The following FBXO28 variants were observed in gnomAD, a reference collection of about 807,000 sequenced individuals.
FBXO28 encodes the protein F-box only protein 28.
In FBXO28, 8 loss-of-function variants were observed where a neutral mutation model predicts 38.1. The ratio of observed to expected loss-of-function variants is 0.21; its 90% CI spans 0.12 to 0.38. The LOEUF (loss-of-function observed/expected upper bound fraction) is 0.38. Among genes scored for constraint, FBXO28 ranks in the 10% least tolerant of loss-of-function variants. FBXO28 has a pLI of 1.00. For synonymous variants in FBXO28, 168 were observed against 173.8 expected (o/e 0.97, Z 0.26); for missense variants, 345 against 460.6 (o/e 0.75, Z 2.30).
In FBXO28 at chr1:224,157,401, A is replaced by G; in HGVS notation, c.762A>G (p.Gln254=). 6.2e-7 allele frequency: 1 copy of G among 1,614,128 alleles called. No individual in the cohort carries two copies. Among genetic ancestry groups the G allele is most frequent in the South Asian group, 1.1e-5 (1 of 91,074 alleles). ...CAACAATGCAGCTCTTCTCCAAGCA[A>G]AATCCTTCAAGACAAGAGGTTACCA... ...ALTTMQLFSK[Q]NPSRQEVTKL... The change falls in exon 5 of 5, where the codon CAA becomes CAG. Residue 254 remains glutamine (Q), a synonymous_variant. Transcript: ENST00000366862.
chr1:224,119,603 CA>C (rs1656726344), intron 1 of FBXO28, among the ~76,000 whole-genome samples: 1 of 152,164 alleles, frequency 6.6e-6, no homozygotes, highest in Non-Finnish European at 1.5e-5. Context: ...ACTGTGTCGT[CA>C]TCAAGAGAAA....
rs141809197 is a variant in FBXO28, at chr1:224,138,335, C to G, written c.516+4123C>G. On this transcript the variant is annotated intron_variant, in intron 3 of 4. Transcript: ENST00000366862. ...TTATAAATATTTTTGGCCCTGTGAA[C>G]CTTGTGCTCGCTGTGACAGCTATGC... 2.2e-4 allele frequency among the ~76,000 whole-genome samples: 33 copies of G among 151,938 alleles called. No individual in the cohort carries two copies. The East Asian group carries it at 6.2e-3, about 28-fold the overall frequency.
chr1:224,115,530 TTATAAA>T (rs1386940337), intron 1 of FBXO28, among the ~76,000 whole-genome samples: 1 of 152,228 alleles, frequency 6.6e-6, no homozygotes, highest in Admixed American at 6.5e-5. Context: ...AAAAGAGAAC[TTATAAA>T]TATTAATTCA....
chr1:224,155,783 G>T (rs1010914735), intron 4 of FBXO28, among the ~76,000 whole-genome samples: 1 of 152,140 alleles, frequency 6.6e-6, no homozygotes, highest in Non-Finnish European at 1.5e-5. Context: ...CCTATTATGC[G>T]CACAGCACTG....
At chr1:224,131,129 A>C (rs1446678108) in intron 2 of FBXO28, 1 of 152,284 alleles carries the variant, frequency 6.6e-6, no homozygotes, top group African/African-American at 2.4e-5. Context: ...GTGGAAAGGC[A>C]TTCTGTGTTC....
At position 224,152,469 on chromosome 1, in the gene FBXO28, A is replaced by G. The variant is rs561950166; in HGVS notation, c.517-673A>G. On this transcript the variant is annotated intron_variant, in intron 3 of 4. Coordinates refer to ENST00000366862, the MANE Select transcript of FBXO28 (RefSeq NM_015176.4). ...ATTTAATTTCTTAGTTTAGTCCTCT[A>G]GTGTCTATAGCAATTTGTATACCTG... 1.7e-4 allele frequency among the ~76,000 whole-genome samples: 26 copies of G among 152,308 alleles called. No homozygotes were observed. In the South Asian group the frequency reaches 5.0e-3, roughly 29 times the overall value.
At chr1:224,117,480 A>G (rs1300890670) in intron 1 of FBXO28, among the ~76,000 whole-genome samples, 1 of 152,064 alleles carries the variant, frequency 6.6e-6, no homozygotes, top group Non-Finnish European at 1.5e-5. Context: ...ACTATTGATC[A>G]AAAGATGTAT....
chr1:224,157,925 G>A lies in FBXO28; in HGVS notation c.*179G>A, dbSNP rs1159880801. ...TCCTGCTTCTCCTGATTGAACTGAT[G>A]CACAGAATCTTTTTACTTTGCAATA... On this transcript the variant is annotated 3_prime_UTR_variant, in exon 5 of 5. Coordinates refer to ENST00000366862, the MANE Select transcript of FBXO28 (RefSeq NM_015176.4). The A allele has an allele frequency of 1.1e-5, 15 of 1,407,244 alleles. No homozygotes were observed. Among genetic ancestry groups the A allele is most frequent in the Non-Finnish European group, 1.4e-5 (15 of 1,087,962 alleles). 87.2% of individuals were successfully genotyped at this position (1,407,244 alleles called of 1,614,324 possible). A position where few individuals can be genotyped will look rare whatever the true frequency, so the allele number is the denominator to read the frequency against.
intron 4 of FBXO28, 59 bp downstream of exon 4, chr1:224,153,396 T>C (rs2090413527): frequency 1.5e-6 from 2 of 1,336,782 alleles, no homozygotes; most frequent in Non-Finnish European, 2.0e-6. Context: ...CCGGTTTTTT[T>C]CCACTTAACC....
At position 224,153,291 on chromosome 1, in the gene FBXO28, A is replaced by T; in HGVS notation, c.666A>T (p.Lys222Asn). Residue 222 changes from lysine to asparagine, a missense_variant, in exon 4 of 5, where the codon AAA becomes AAT. Lys to Asn is a moderately conservative substitution (Grantham distance 94). Transcript: ENST00000366862. Reference sequence around the variant, plus strand: ...AGATTGTTCCAATTTTAAAGAGGAAATTACCAGGATCAGATGTTTCTGGAA... The same window carrying T: ...AGATTGTTCCAATTTTAAAGAGGAATTTACCAGGATCAGATGTTTCTGGAA... ...DEKIVPILKR[K>N]LPGSDVSGRL... 1 of 1,611,044 alleles carries T rather than the reference A, an allele frequency of 6.2e-7. No individual in the cohort carries two copies. Among genetic ancestry groups the T allele is most frequent in the Non-Finnish European group, 8.5e-7 (1 of 1,178,786 alleles).
intron 3 of FBXO28, 123 bp downstream of exon 3, chr1:224,134,335 A>G (rs1352324673): frequency 1.1e-6 from 1 of 875,224 alleles, no homozygotes; most frequent in Non-Finnish European, 1.7e-6. Flanking sequence ...CTACTAATGA[A>G]TTTGTTTGCT....
Position 224,157,467 on chromosome 1 carries a change from T to C in FBXO28, c.828T>C (p.Thr276=), listed in dbSNP as rs2102638450. The part of the protein sequence containing the change: ...QQVKTNGAGV[T]VLRREISELR... ...TTAAAACAAATGGTGCTGGCGTGAC[T>C]GTTCTCAGGCGTGAAATTTCTGAGC... The change falls in exon 5 of 5, where the codon ACT becomes ACC. Residue 276 remains threonine (T), a synonymous_variant. Transcript: ENST00000366862. The C allele has an allele frequency of 6.2e-7, 1 of 1,614,246 alleles. No individual in the cohort carries two copies. Among genetic ancestry groups the C allele is most frequent in the East Asian group, 2.2e-5 (1 of 44,886 alleles).
intron 3 of FBXO28, among the ~76,000 whole-genome samples, chr1:224,152,894 C>T (rs1044052256): frequency 7.0e-6 from 1 of 143,614 alleles, no homozygotes; most frequent in African/African-American, 2.6e-5. Flanking sequence ...CACCACTGCA[C>T]CCAGCTTGGG....
At chr1:224,157,307 A>G (rs1657795473) in intron 4 of FBXO28, 45 bp from the exon 5 acceptor site, 2 of 1,535,138 alleles carry the variant, frequency 1.3e-6, no homozygotes, top group Non-Finnish European at 1.7e-6. Flanking sequence ...TTACTGGTAG[A>G]GAGACATTTT....
chr1:224,115,212 G>C (rs776184821), intron 1 of FBXO28, among the ~76,000 whole-genome samples: 1 of 152,112 alleles, frequency 6.6e-6, no homozygotes, highest in Non-Finnish European at 1.5e-5. Flanking sequence ...TTGCCATTGG[G>C]GTTTTACTTC....
rs757105933 is a variant in FBXO28, at chr1:224,153,126, G to A, written c.517-16G>A. ...AAAGAAAAATCTAAAGTGCTAATGA[G>A]AATTCATTATTTTAGGTGATTGATG... On this transcript the variant is annotated splice_polypyrimidine_tract_variant and intron_variant, in intron 3 of 4. Coordinates refer to ENST00000366862, the MANE Select transcript of FBXO28 (RefSeq NM_015176.4). The A allele has an allele frequency of 3.8e-6, 6 of 1,572,468 alleles. No homozygotes were observed. Among genetic ancestry groups the A allele is most frequent in the Non-Finnish European group, 5.2e-6 (6 of 1,163,330 alleles).
At chr1:224,154,584 G>A (rs967046279) in intron 4 of FBXO28, among the ~76,000 whole-genome samples, 11 of 151,324 alleles carry the variant, frequency 7.3e-5, no homozygotes, top group Admixed American at 4.6e-4. Context: ...CAAGGCGGGC[G>A]GATCACGAGG....
chr1:224,143,835 C>CA (rs33965694), intron 3 of FBXO28, among the ~76,000 whole-genome samples: 35,945 of 118,956 alleles, frequency 0.3, 5,290 homozygotes, highest in East Asian at 0.49. Context: ...GACTCCATCT[C>CA]AAAAAAAAAA....
chr1:224,126,057 T>C (rs1215425172), intron 1 of FBXO28, among the ~76,000 whole-genome samples: 1 of 152,256 alleles, frequency 6.6e-6, no homozygotes, highest in African/African-American at 2.4e-5. Context: ...GGTTTGTTCA[T>C]TCCAGACTTT....
Sources: gnomAD v4.1 joint callset for allele counts (sites outside exome capture counted in the v4.1 genomes callset) on GRCh38, gnomAD v4.1.1 for gene constraint, MANE v1.5 for transcripts, NCBI Gene and HGNC (gene_info 2026-07-23, HGNC 2026-07-21) for gene names.